GMPR: variants seen among roughly 807,000 people sequenced by gnomAD.
The protein encoded by GMPR is guanosine monophosphate reductase.
A neutral mutation model predicts 38.4 loss-of-function variants in GMPR; 31 were observed. That is an observed-to-expected ratio of 0.81 (90% confidence interval 0.61 to 1.09). The LOEUF (loss-of-function observed/expected upper bound fraction) is 1.09. Ranked by LOEUF, GMPR falls within the 50% of genes least tolerant of loss-of-function variation. GMPR has a pLI of 0.00. For synonymous variants in GMPR, 162 were observed against 173.3 expected, an observed-to-expected ratio of 0.93 and a Z score of 0.51; for missense variants, 468 against 453.7, an observed-to-expected ratio of 1.03 and a Z score of -0.29.
intron 5 of GMPR, 69 bp from the exon 6 acceptor site, chr6:16,278,715 G>A: frequency 9.4e-7 from 1 of 1,064,366 alleles, no homozygotes; most frequent in South Asian, 1.3e-5. Flanking sequence ...AGGTAAGGGG[G>A]ACGCATTTCA....
At chr6:16,242,737 C>G (rs987738420) in intron 1 of GMPR, among the ~76,000 whole-genome samples, 5 of 152,172 alleles carry the variant, frequency 3.3e-5, no homozygotes, top group Admixed American at 3.3e-4. Flanking sequence ...CTCCCAGGTT[C>G]AAGCAATTCT....
At chr6:16,287,961 G>A (rs6459467) in intron 7 of GMPR, among the ~76,000 whole-genome samples, 85,817 of 152,110 alleles carry the variant, frequency 0.56, 27,209 homozygotes, top group East Asian at 0.88. Context: ...TCCTCCTCCT[G>A]ATTAGGATTT....
chr6:16,290,791 G>A (rs1759827596), intron 8 of GMPR, among the ~76,000 whole-genome samples, 170 bp downstream of exon 8: 1 of 152,170 alleles, frequency 6.6e-6, no homozygotes, highest in Non-Finnish European at 1.5e-5. Flanking sequence ...AGTGTTTGGG[G>A]TTCCCAAAAG....
chr6:16,261,104 A>C (rs933104001), intron 4 of GMPR, among the ~76,000 whole-genome samples: 1 of 151,966 alleles, frequency 6.6e-6, no homozygotes, highest in Non-Finnish European at 1.5e-5. Context: ...GCTAGGCTAA[A>C]ACAGTAAGGT....
chr6:16,251,614 C>T (rs1278703858), intron 3 of GMPR, among the ~76,000 whole-genome samples: 1 of 152,118 alleles, frequency 6.6e-6, no homozygotes, highest in Non-Finnish European at 1.5e-5. Flanking sequence ...ATCTATGATC[C>T]TATTTCTAGG....
intron 4 of GMPR, among the ~76,000 whole-genome samples, chr6:16,263,823 G>C (rs547565257): frequency 7.3e-5 from 11 of 151,638 alleles, no homozygotes; most frequent in African/African-American, 2.7e-4. Context: ...TTGGGGTGCA[G>C]AGATAAGAGG....
chr6:16,289,445 C>G (rs1282541827), intron 7 of GMPR: 1 of 152,310 alleles, frequency 6.6e-6, no homozygotes, highest in East Asian at 1.9e-4. Flanking sequence ...CAGCGTCTAT[C>G]ATGTGCTGTG....
chr6:16,252,699 G>A (rs1758899517), intron 3 of GMPR, among the ~76,000 whole-genome samples: 1 of 152,182 alleles, frequency 6.6e-6, no homozygotes, highest in Non-Finnish European at 1.5e-5. Flanking sequence ...GTGAGAGAAG[G>A]CAACCAATCT....
intron 7 of GMPR, among the ~76,000 whole-genome samples, chr6:16,286,105 G>A (rs1166487524): frequency 6.6e-6 from 1 of 152,160 alleles, no homozygotes; most frequent in East Asian, 1.9e-4. Context: ...GGAAGAGAAA[G>A]CTCAAGGGAC....
chr6:16,250,540 T>C (rs1758852036), intron 3 of GMPR, among the ~76,000 whole-genome samples, 173 bp downstream of exon 3: 1 of 152,250 alleles, frequency 6.6e-6, no homozygotes, highest in African/African-American at 2.4e-5. Flanking sequence ...ATTGTATTAT[T>C]AAAATACTAG....
In GMPR at chr6:16,295,113, C is replaced by T. The variant is rs1581670822; in HGVS notation, c.965C>T (p.Ala322Val). 6 of 1,579,216 alleles carry T rather than the reference C, an allele frequency of 3.8e-6. No individual in the cohort carries two copies. In the East Asian group the frequency reaches 1.4e-4, roughly 37 times the overall value. ...LRSTCTYVGA[A>V]KLKELSRRAT... Reference sequence around the variant, plus strand: ...TCCACGTGCACCTACGTGGGGGCCGCCAAACTCAAGGAGCTCAGCAGGAGG... The same window carrying T: ...TCCACGTGCACCTACGTGGGGGCCGTCAAACTCAAGGAGCTCAGCAGGAGG... Residue 322 changes from alanine (A) to valine (V), a missense_variant, in exon 9 of 9, where the codon GCC (alanine) becomes GTC (valine). Physicochemically the swap from Ala to Val is moderately conservative, Grantham distance 64. Coordinates refer to ENST00000259727, the MANE Select transcript of GMPR (RefSeq NM_006877.4).
chr6:16,282,470 A>G (rs1043796282), intron 6 of GMPR, among the ~76,000 whole-genome samples: 1 of 152,276 alleles, frequency 6.6e-6, no homozygotes, highest in Non-Finnish European at 1.5e-5. Context: ...ATTAGCAGTA[A>G]TGCTATCATC....
At chr6:16,243,010 CT>C (rs1289932438) in intron 1 of GMPR, among the ~76,000 whole-genome samples, 2 of 152,022 alleles carry the variant, frequency 1.3e-5, no homozygotes, top group African/African-American at 4.8e-5. Context: ...TGCAATGACT[CT>C]GTTAACTAAG....
At chr6:16,279,037 C>T (rs1314844953) in intron 6 of GMPR, 147 bp downstream of exon 6, 2 of 612,012 alleles carry the variant, frequency 3.3e-6, no homozygotes, top group Admixed American at 2.9e-5. Flanking sequence ...GAAACAGAGG[C>T]CCTGCTGCCC....
intron 4 of GMPR, chr6:16,263,089 G>T (rs1759119258): frequency 1.3e-5 from 2 of 151,942 alleles, no homozygotes; most frequent in Non-Finnish European, 2.9e-5. Flanking sequence ...CTGTAGAAAA[G>T]GAAGATTAGA....
chr6:16,266,720 A>C (rs1043212566), intron 4 of GMPR, among the ~76,000 whole-genome samples: 3 of 150,848 alleles, frequency 2.0e-5, no homozygotes, highest in African/African-American at 7.3e-5. Flanking sequence ...CTGAGGCAGG[A>C]GAATTGCATG....
intron 4 of GMPR, among the ~76,000 whole-genome samples, chr6:16,266,093 GAGCTGTAACACTTGCCATCTT>G (rs1759204690): frequency 2.7e-5 from 2 of 73,690 alleles, no homozygotes; most frequent in Non-Finnish European, 6.4e-5. Context: ...CTACCTTTAA[GAGCTGTAACACTTGCCATCTT>G]TAAGAGCTGT....
chr6:16,278,640 G>A (rs1581662492), intron 5 of GMPR, 144 bp from the exon 6 acceptor site: 2 of 699,886 alleles, frequency 2.9e-6, no homozygotes, highest in Middle Eastern at 3.1e-4. Context: ...TGCAGATGGG[G>A]CAGCCTGTTC....
intron 4 of GMPR, among the ~76,000 whole-genome samples, chr6:16,266,780 C>T (rs1759249241): frequency 6.6e-6 from 1 of 151,632 alleles, no homozygotes; most frequent in African/African-American, 2.4e-5. Context: ...GAGAGCGAGA[C>T]TCCGTCTCAA....
Sources: allele counts gnomAD v4.1 joint callset (sites outside exome capture counted in the v4.1 genomes callset), GRCh38; gene constraint gnomAD v4.1.1; transcripts MANE v1.5; gene names NCBI Gene and HGNC (gene_info 2026-07-23, HGNC 2026-07-21).